The following GPHN variants were observed in gnomAD, a reference collection of about 807,000 sequenced individuals.
GPHN encodes gephyrin.
GPHN carries 17 observed loss-of-function variants against 95.5 expected under a neutral mutation model. The observed-to-expected ratio is 0.18, with a 90% CI of 0.12 to 0.27. The LOEUF is 0.27. GPHN is among the 10% of genes least tolerant of loss of function. The probability of loss-of-function intolerance (pLI) is 1.00; values close to 1 mark genes in which losing one functional copy is unlikely to be tolerated. For synonymous variants in GPHN, 320 were observed against 322.5 expected (o/e 0.99, Z 0.08); for missense variants, 660 against 978.1 (o/e 0.67, Z 4.34).
chr14:66,535,198 C>T (rs1168972231), intron 1 of GPHN, among the ~76,000 whole-genome samples: 1 of 151,752 alleles, frequency 6.6e-6, no homozygotes, highest in African/African-American at 2.4e-5. Flanking sequence ...TAAAATAAAA[C>T]ATAGGATATT....
At chr14:67,631,564 T>G in the GPHN span, among the ~76,000 whole-genome samples, 1 of 151,360 alleles carries the variant, frequency 6.6e-6, no homozygotes, top group African/African-American at 2.4e-5. Context: ...GCCTCCCAAG[T>G]AGCTGGAACT....
intron 4 of GPHN, among the ~76,000 whole-genome samples, chr14:66,878,521 A>G (rs947908189): frequency 2.0e-5 from 3 of 152,184 alleles, no homozygotes; most frequent in Non-Finnish European, 2.9e-5. Flanking sequence ...AATTTACAAG[A>G]AAAAAACAAC....
chr14:67,594,592 G>A, the GPHN span, among the ~76,000 whole-genome samples: 3 of 151,820 alleles, frequency 2.0e-5, no homozygotes, highest in African/African-American at 4.8e-5. Flanking sequence ...GGCGGAGGTT[G>A]CAGTGAGCCG....
chr14:66,897,443 C>T (rs993239717), intron 5 of GPHN, among the ~76,000 whole-genome samples: 7 of 152,046 alleles, frequency 4.6e-5, no homozygotes, highest in African/African-American at 1.7e-4. Context: ...TGTACTATTG[C>T]TTTTCTATTG....
chr14:67,633,179 G>T, the GPHN span, among the ~76,000 whole-genome samples: 1 of 151,988 alleles, frequency 6.6e-6, no homozygotes, highest in Admixed American at 6.6e-5. Flanking sequence ...CACTTTTTAG[G>T]TTTATTTTGT....
chr14:66,977,961 A>G lies in GPHN; in HGVS notation c.963+12636A>G, dbSNP rs146444143. On this transcript the variant is annotated intron_variant, in intron 9 of 22. Coordinates refer to ENST00000478722, the MANE Select transcript of GPHN (RefSeq NM_020806.5). Reference sequence around the variant, plus strand: ...GTAGGTTCAGTTGCAGACCACTGCAATAAAGCAAAAATTGCAATAAAGTGA... The same window carrying G: ...GTAGGTTCAGTTGCAGACCACTGCAGTAAAGCAAAAATTGCAATAAAGTGA... Among the ~76,000 whole-genome samples, 321 of 152,344 alleles carry G rather than the reference A, an allele frequency of 2.1e-3. 1 individual carries two copies. The highest frequency in any genetic ancestry group is 7.3e-3 in the African/African-American group (302 of 41,586).
intron 1 of GPHN, 31 bp downstream of exon 1, chr14:66,508,622 A>G: frequency 6.4e-7 from 1 of 1,569,870 alleles, no homozygotes; most frequent in Non-Finnish European, 8.8e-7. Context: ...GGGACCTATG[A>G]GGCTGCTGTC....
intron 5 of GPHN, among the ~76,000 whole-genome samples, 153 bp downstream of exon 5, chr14:66,880,186 C>G (rs2063862912): frequency 1.3e-5 from 2 of 151,876 alleles, no homozygotes; most frequent in South Asian, 4.1e-4. Context: ...TAAATATTAC[C>G]TACTATCATT....
chr14:66,885,523 G>C (rs1329670502), intron 5 of GPHN, among the ~76,000 whole-genome samples: 3 of 152,128 alleles, frequency 2.0e-5, no homozygotes, highest in African/African-American at 7.2e-5. Context: ...TGGGGATCCA[G>C]GTTCTATTGT....
the GPHN span, among the ~76,000 whole-genome samples, chr14:67,496,945 C>T: frequency 6.6e-6 from 1 of 151,886 alleles, no homozygotes; most frequent in East Asian, 1.9e-4. Flanking sequence ...TTACAGGTGC[C>T]CGCCACCACA....
the GPHN span, chr14:67,573,935 G>C: frequency 7.3e-7 from 1 of 1,365,240 alleles, no homozygotes. This position sits in a 1 kb window ranked among gnomAD's most constrained non-coding sequence, Gnocchi z 4.8. Context: ...GAGGTGCTGG[G>C]TTTGGATATG....
At chr14:67,664,045 C>T in the GPHN span, among the ~76,000 whole-genome samples, 2 of 152,332 alleles carry the variant, frequency 1.3e-5, no homozygotes, top group African/African-American at 4.8e-5. Flanking sequence ...GAAATCTACA[C>T]ATAATCTACT....
the GPHN span, among the ~76,000 whole-genome samples, chr14:67,219,513 C>T: frequency 1.3e-5 from 2 of 152,182 alleles, no homozygotes; most frequent in African/African-American, 4.8e-5. Flanking sequence ...AGTCAGCCAT[C>T]TTGCTGACAT....
chr14:67,046,700 G>A (rs2075037116), intron 10 of GPHN, among the ~76,000 whole-genome samples: 1 of 152,058 alleles, frequency 6.6e-6, no homozygotes, highest in African/African-American at 2.4e-5. Flanking sequence ...GAAATGCTTT[G>A]AGGCTCATTG....
chr14:66,988,026 A>G (rs1555458066), intron 9 of GPHN, among the ~76,000 whole-genome samples: 4 of 151,094 alleles, frequency 2.6e-5, no homozygotes, highest in Non-Finnish European at 5.9e-5. Context: ...TCACTTGGTG[A>G]TTTTTTTTTC....
the GPHN span, among the ~76,000 whole-genome samples, chr14:67,701,554 G>A: frequency 6.6e-6 from 1 of 150,524 alleles, no homozygotes; most frequent in African/African-American, 2.4e-5. Flanking sequence ...CTCCCGAGTA[G>A]CTGGGACTAC....
intron 1 of GPHN, among the ~76,000 whole-genome samples, chr14:66,650,857 C>T (rs1192954395): frequency 1.3e-5 from 2 of 152,162 alleles, no homozygotes; most frequent in African/African-American, 4.8e-5. Flanking sequence ...GGTTTCACTA[C>T]TTGGGTCAAA....
the GPHN span, among the ~76,000 whole-genome samples, chr14:67,629,564 TAC>T: frequency 6.6e-6 from 1 of 152,196 alleles, no homozygotes; most frequent in Admixed American, 6.5e-5. Flanking sequence ...GCTTAATGGG[TAC>T]AGAGTTTGTT....
At chr14:67,391,336 T>A in the GPHN span, among the ~76,000 whole-genome samples, 1 of 150,088 alleles carries the variant, frequency 6.7e-6, no homozygotes, top group East Asian at 2.0e-4. Context: ...CCAGGAGGGC[T>A]AAGGTTAGAT....
Sources: gnomAD v4.1 joint callset for allele counts (sites outside exome capture counted in the v4.1 genomes callset) on GRCh38, gnomAD v4.1.1 for gene constraint, Gnocchi (gnomAD v3.1) non-coding constraint, MANE v1.5 for transcripts, NCBI Gene and HGNC (gene_info 2026-07-23, HGNC 2026-07-21) for gene names.